The following SND1 variants were observed in gnomAD, a reference collection of about 807,000 sequenced individuals.
SND1 encodes the protein staphylococcal nuclease and tudor domain containing 1.
A neutral mutation model predicts 121.7 loss-of-function variants in SND1; 38 were observed. The ratio of observed to expected loss-of-function variants is 0.31; its 90% CI spans 0.24 to 0.41. SND1 has a LOEUF of 0.41. SND1 is among the 10% of genes least tolerant of loss of function. The pLI is 1.00. For missense variants in SND1, 868 were observed against 1,184.6 expected (o/e 0.73, Z 3.92); for synonymous variants, 401 against 447.4 (o/e 0.90, Z 1.31).
At position 128,071,960 on chromosome 7, in the gene SND1, C is replaced by T. The variant is rs185979915; in HGVS notation, c.1780-2542C>T. Among the ~76,000 whole-genome samples the T allele has an allele frequency of 6.6e-5, 10 of 152,288 alleles. No homozygotes were observed. In the East Asian group the frequency reaches 1.7e-3, roughly 26 times the overall value. On this transcript the variant is annotated intron_variant, in intron 16 of 23. Coordinates refer to ENST00000354725, the MANE Select transcript of SND1 (RefSeq NM_014390.4). ...CCCAAGTTAGCATATCGATTGCAGG[C>T]GACAGGCTGGTTAAGTGTGAAGCTG...
Position 128,085,587 on chromosome 7 carries a change from C to A in SND1, c.2235-124C>A. 1 of 794,242 alleles carries A rather than the reference C, an allele frequency of 1.3e-6. No individual in the cohort carries two copies. The allele number at this position is 794,242 out of a possible 1,614,324, so 49.2% of individuals were successfully genotyped here. On this transcript the variant is annotated intron_variant, in intron 19 of 23. Coordinates refer to ENST00000354725, the MANE Select transcript of SND1 (RefSeq NM_014390.4). This position sits in a 1 kb window ranked among gnomAD's most constrained non-coding sequence, Gnocchi z 4.4. ...GGCCTAGATGGAGTGCAGTTACTGT[C>A]CCCTGTGACACCCGTTGAACCCAGG...
At chr7:128,030,109 A>G in intron 16 of SND1, 3 of 1,614,040 alleles carry the variant, frequency 1.9e-6, no homozygotes, top group Non-Finnish European at 2.5e-6. Flanking sequence ...AGCTCCCCCA[A>G]GTCCAGGCGC....
intron 10 of SND1, among the ~76,000 whole-genome samples, chr7:127,796,994 G>A (rs1286750867): frequency 6.9e-6 from 1 of 145,566 alleles, no homozygotes; most frequent in Non-Finnish European, 1.5e-5. Context: ...CTGGGTTCAA[G>A]CGATTCTCCT....
chr7:128,005,047 A>C (rs752848378), intron 16 of SND1, among the ~76,000 whole-genome samples: 5 of 152,250 alleles, frequency 3.3e-5, no homozygotes, highest in South Asian at 2.1e-4. Context: ...AGTAAGGTAT[A>C]GCTAGAGATT....
chr7:127,716,356 G>A (rs980057632), intron 9 of SND1, among the ~76,000 whole-genome samples: 4 of 152,040 alleles, frequency 2.6e-5, no homozygotes, highest in South Asian at 2.1e-4. Flanking sequence ...ACGTGTTTCC[G>A]TTTATTTATG....
intron 12 of SND1, among the ~76,000 whole-genome samples, chr7:127,886,411 A>G (rs540983137): frequency 3.3e-5 from 5 of 152,150 alleles, no homozygotes; most frequent in Admixed American, 2.6e-4. Flanking sequence ...TCCCCACAGT[A>G]TAACTTTCTA....
At chr7:128,040,142 T>G (rs187152006) in intron 16 of SND1, among the ~76,000 whole-genome samples, 9 of 143,730 alleles carry the variant, frequency 6.3e-5, no homozygotes, top group South Asian at 2.1e-4. Flanking sequence ...GTATTGAGTC[T>G]GCCTGGGAGC....
At chr7:127,845,863 A>C (rs1457987879) in intron 12 of SND1, among the ~76,000 whole-genome samples, 1 of 152,216 alleles carries the variant, frequency 6.6e-6, no homozygotes, top group East Asian at 1.9e-4. Context: ...TTAAAATGAG[A>C]TATTCAGGGA....
intron 13 of SND1, among the ~76,000 whole-genome samples, chr7:127,902,054 G>A (rs1177979968): frequency 6.6e-6 from 1 of 152,106 alleles, no homozygotes; most frequent in Non-Finnish European, 1.5e-5. Context: ...CTAGATTTCT[G>A]CTTATAGCAC....
chr7:127,979,091 A>G (rs1178467200), intron 15 of SND1, among the ~76,000 whole-genome samples: 1 of 152,166 alleles, frequency 6.6e-6, no homozygotes, highest in African/African-American at 2.4e-5. Flanking sequence ...TGTGGGCCTT[A>G]TGATCTTTGT....
chr7:127,791,731 T>C (rs1269444684), intron 10 of SND1, among the ~76,000 whole-genome samples: 3 of 152,332 alleles, frequency 2.0e-5, no homozygotes, highest in East Asian at 3.9e-4. Flanking sequence ...TGATAAAATA[T>C]GTGATAACAA....
At chr7:127,859,184 T>C (rs1036886560) in intron 12 of SND1, among the ~76,000 whole-genome samples, 5 of 152,214 alleles carry the variant, frequency 3.3e-5, no homozygotes, top group African/African-American at 1.2e-4. Flanking sequence ...AATATGGATA[T>C]GTAGGCTTGG....
chr7:127,798,221 T>C (rs759463865), intron 10 of SND1, among the ~76,000 whole-genome samples: 4 of 152,224 alleles, frequency 2.6e-5, no homozygotes, highest in Non-Finnish European at 5.9e-5. Flanking sequence ...TGTGAAACTC[T>C]TGTTCTCCTA....
intron 12 of SND1, among the ~76,000 whole-genome samples, chr7:127,883,162 C>T (rs1380015976): frequency 1.2e-4 from 18 of 152,088 alleles, no homozygotes; most frequent in Non-Finnish European, 5.9e-5. Context: ...TGACATCTTC[C>T]CCTCTAGTTA....
At chr7:127,934,384 G>A (rs950960234) in intron 15 of SND1, among the ~76,000 whole-genome samples, 7 of 152,144 alleles carry the variant, frequency 4.6e-5, no homozygotes, top group Non-Finnish European at 7.3e-5. Flanking sequence ...TGGACCCTCA[G>A]AGTCACTGGA....
rs755248269 is a variant in SND1, at chr7:128,015,615, C to G, written c.1779+24559C>G. ...GTGCCCTGTAATACACCATTATAAT[C>G]AATTAGTTTCCCTTCTCCTTGTCCC... On this transcript the variant is annotated intron_variant, in intron 16 of 23. Coordinates refer to ENST00000354725, the MANE Select transcript of SND1 (RefSeq NM_014390.4). The surrounding 1 kb of genome is among the most constrained non-coding windows in gnomAD (Gnocchi z 4.5). Among the ~76,000 whole-genome samples, 2 of 152,192 alleles carry G rather than the reference C, an allele frequency of 1.3e-5. No homozygotes were observed. Among genetic ancestry groups the G allele is most frequent in the Non-Finnish European group, 2.9e-5 (2 of 68,040 alleles).
chr7:127,912,110 TGGCTGTCTATA>T (rs1274081455), intron 14 of SND1, among the ~76,000 whole-genome samples: 2 of 152,208 alleles, frequency 1.3e-5, no homozygotes, highest in African/African-American at 4.8e-5. Flanking sequence ...CCACAACACC[TGGCTGTCTATA>T]GTTTCTTTGT....
At position 128,029,679 on chromosome 7, in the gene SND1, G is replaced by C; in HGVS notation, c.1779+38623G>C. The C allele has an allele frequency of 6.2e-7, 1 of 1,613,968 alleles. No homozygotes were observed. Among genetic ancestry groups the C allele is most frequent in the Non-Finnish European group, 8.5e-7 (1 of 1,180,002 alleles). ...ACAGCGGCCACAGCAGGTGGAATTG[G>C]TGGGTATATACTCTCGAAGCCACCA... On this transcript the variant is annotated intron_variant, in intron 16 of 23. Coordinates refer to ENST00000354725, the MANE Select transcript of SND1 (RefSeq NM_014390.4). This position sits in a 1 kb window ranked among gnomAD's most constrained non-coding sequence, Gnocchi z 4.2.
intron 16 of SND1, among the ~76,000 whole-genome samples, chr7:128,007,022 G>A (rs1216695867): frequency 1.3e-5 from 2 of 151,718 alleles, no homozygotes; most frequent in African/African-American, 4.9e-5. Context: ...TCCCAGTAGC[G>A]AGATTTTGTT....
Sources: gnomAD v4.1 joint callset for allele counts (sites outside exome capture counted in the v4.1 genomes callset) on GRCh38, gnomAD v4.1.1 for gene constraint, Gnocchi (gnomAD v3.1) non-coding constraint, MANE v1.5 for transcripts, NCBI Gene and HGNC (gene_info 2026-07-23, HGNC 2026-07-21) for gene names.